Variants in ANGPT1 observed in about 807,000 individuals in gnomAD.
The protein encoded by ANGPT1 is angiopoietin 1, also known as angiopoietin-1.
A neutral mutation model predicts 62.2 loss-of-function variants in ANGPT1; 17 were observed. The ratio of observed to expected loss-of-function variants is 0.27; its 90% CI spans 0.19 to 0.41. The LOEUF (loss-of-function observed/expected upper bound fraction) is 0.41, where lower values mean the gene tolerates loss of function less well. Among genes scored for constraint, ANGPT1 ranks in the 10% least tolerant of loss-of-function variants. The pLI, the probability that ANGPT1 is intolerant of heterozygous loss-of-function variation, is 1.00. For synonymous variants in ANGPT1, 199 were observed against 198.9 expected (o/e 1.00, Z 0.00); for missense variants, 478 against 594.9 (o/e 0.80, Z 2.04).
intron 1 of ANGPT1, among the ~76,000 whole-genome samples, chr8:107,464,145 T>C (rs1812142160): frequency 1.3e-5 from 2 of 152,164 alleles, no homozygotes; most frequent in African/African-American, 4.8e-5. Context: ...CATTGGATAA[T>C]CTCTTCATGC....
intron 1 of ANGPT1, among the ~76,000 whole-genome samples, chr8:107,496,646 T>C (rs1427149566): frequency 6.6e-6 from 1 of 152,198 alleles, no homozygotes; most frequent in Non-Finnish European, 1.5e-5. Context: ...ATGTATCTTT[T>C]TAATTTTTTT....
At chr8:107,370,971 TAAA>T (rs34820719) in intron 1 of ANGPT1, among the ~76,000 whole-genome samples, 4 of 146,962 alleles carry the variant, frequency 2.7e-5, no homozygotes, top group African/African-American at 2.5e-5. Flanking sequence ...TTGATTTGTT[TAAA>T]AAAAAAAAAA....
intron 1 of ANGPT1, among the ~76,000 whole-genome samples, chr8:107,444,935 A>G (rs1318400993): frequency 6.6e-6 from 1 of 152,152 alleles, no homozygotes; most frequent in African/African-American, 2.4e-5. Context: ...GCAAAAGGAG[A>G]TTTACATCAA....
intron 4 of ANGPT1, among the ~76,000 whole-genome samples, chr8:107,314,197 A>G (rs1266019011): frequency 1.3e-5 from 2 of 152,208 alleles, no homozygotes; most frequent in Non-Finnish European, 2.9e-5. Context: ...GGGAAGAAGG[A>G]TGGAGTTTGC....
chr8:107,426,384 G>A (rs1811042948), intron 1 of ANGPT1, among the ~76,000 whole-genome samples: 1 of 152,182 alleles, frequency 6.6e-6, no homozygotes, highest in East Asian at 1.9e-4. Context: ...AAAGTGGGCG[G>A]GTGATCCAAG....
intron 4 of ANGPT1, among the ~76,000 whole-genome samples, chr8:107,319,620 G>T (rs1373356259): frequency 3.3e-5 from 5 of 151,472 alleles, no homozygotes; most frequent in African/African-American, 7.3e-5. Context: ...CTTTACCCAT[G>T]TGTTTTAGAA....
intron 1 of ANGPT1, among the ~76,000 whole-genome samples, chr8:107,418,488 C>A (rs1230078571): frequency 6.6e-6 from 1 of 152,118 alleles, no homozygotes; most frequent in East Asian, 1.9e-4. Context: ...AATAAAACAA[C>A]CGATATGATG....
At chr8:107,354,778 C>T (rs1237019322) in intron 1 of ANGPT1, among the ~76,000 whole-genome samples, 7 of 152,144 alleles carry the variant, frequency 4.6e-5, no homozygotes, top group South Asian at 4.1e-4. Flanking sequence ...TTCTCCAACA[C>T]GACTTGGCTT....
intron 1 of ANGPT1, among the ~76,000 whole-genome samples, chr8:107,398,649 G>A (rs1421774237): frequency 6.6e-6 from 1 of 152,014 alleles, no homozygotes; most frequent in East Asian, 1.9e-4. Flanking sequence ...GTTCTGGACA[G>A]AGTGGTACCT....
chr8:107,414,772 G>A (rs1000192301), intron 1 of ANGPT1, among the ~76,000 whole-genome samples: 1 of 152,088 alleles, frequency 6.6e-6, no homozygotes, highest in Non-Finnish European at 1.5e-5. Context: ...TCTACAAAAT[G>A]AATGTAAATC....
At chr8:107,443,532 G>C (rs1251103568) in intron 1 of ANGPT1, among the ~76,000 whole-genome samples, 2 of 152,010 alleles carry the variant, frequency 1.3e-5, no homozygotes, top group East Asian at 1.9e-4. Context: ...ATACCGGCCG[G>C]GTGCGGTGGC....
chr8:107,316,858 G>A (rs1166623212), intron 4 of ANGPT1, among the ~76,000 whole-genome samples: 1 of 152,054 alleles, frequency 6.6e-6, no homozygotes, highest in Non-Finnish European at 1.5e-5. Context: ...GAACAAGCTT[G>A]CTTATATTTT....
chr8:107,272,107 T>G (rs1813749673), intron 7 of ANGPT1, among the ~76,000 whole-genome samples: 1 of 152,064 alleles, frequency 6.6e-6, no homozygotes, highest in Non-Finnish European at 1.5e-5. Context: ...AGGAAGACAT[T>G]ATCTTATTTG....
intron 1 of ANGPT1, among the ~76,000 whole-genome samples, chr8:107,348,382 T>C (rs574939367): frequency 6.6e-6 from 1 of 152,322 alleles, no homozygotes; most frequent in South Asian, 2.1e-4. Flanking sequence ...ACATCATCCC[T>C]TGCTTATTTC....
intron 6 of ANGPT1, among the ~76,000 whole-genome samples, chr8:107,287,013 G>T (rs375997912): frequency 6.6e-6 from 1 of 152,282 alleles, no homozygotes; most frequent in South Asian, 2.1e-4. Flanking sequence ...GGAAGAAAAA[G>T]AAGACCACTG....
chr8:107,455,158 G>C (rs1028345823), intron 1 of ANGPT1, among the ~76,000 whole-genome samples: 6 of 152,048 alleles, frequency 3.9e-5, no homozygotes, highest in African/African-American at 1.4e-4. Flanking sequence ...GTAAGGACAA[G>C]ACCTTTTTGG....
At chr8:107,394,542 G>A (rs960408169) in intron 1 of ANGPT1, among the ~76,000 whole-genome samples, 1 of 152,148 alleles carries the variant, frequency 6.6e-6, no homozygotes, top group Non-Finnish European at 1.5e-5. Context: ...GAGCTGGGGG[G>A]AGGGAAGGAG....
chr8:107,328,125 T>C (rs1284316112), intron 3 of ANGPT1, among the ~76,000 whole-genome samples: 4 of 152,112 alleles, frequency 2.6e-5, no homozygotes, highest in Middle Eastern at 3.2e-3. Flanking sequence ...GTTGAAAATA[T>C]AGAAACCTCA....
chr8:107,428,005 A>G (rs1235723270), intron 1 of ANGPT1, among the ~76,000 whole-genome samples: 1 of 152,206 alleles, frequency 6.6e-6, no homozygotes, highest in African/African-American at 2.4e-5. Context: ...CTGCGTTACA[A>G]ATTGAAGAAG....
Sources: gnomAD v4.1 joint callset for allele counts (sites outside exome capture counted in the v4.1 genomes callset) on GRCh38, gnomAD v4.1.1 for gene constraint, MANE v1.5 for transcripts, NCBI Gene and HGNC (gene_info 2026-07-23, HGNC 2026-07-21) for gene names.